Variants in COL4A6 observed in about 807,000 individuals in gnomAD.
The protein encoded by COL4A6 is collagen alpha-6(IV) chain.
A neutral mutation model predicts 126.7 loss-of-function variants in COL4A6; 59 were observed. The observed-to-expected ratio is 0.47, with a 90% CI of 0.38 to 0.58. The LOEUF is 0.58. Ranked by LOEUF, COL4A6 falls within the 20% of genes least tolerant of loss-of-function variation. The pLI is 0.00. For missense variants in COL4A6, 1,285 were observed against 1,337.3 expected (o/e 0.96, Z 0.61); for synonymous variants, 547 against 496.6 (o/e 1.10, Z -1.35).
intron 28 of COL4A6, among the ~76,000 whole-genome samples, chrX:108,176,044 G>A (rs1433561862): frequency 9.0e-6 from 1 of 110,536 alleles, no homozygotes; most frequent in Non-Finnish European, 1.9e-5. Context: ...GGCTCCTCTC[G>A]GCCGGGCACA....
intron 3 of COL4A6, among the ~76,000 whole-genome samples, chrX:108,282,474 A>G (rs1212758361): frequency 5.4e-5 from 6 of 111,186 alleles, no homozygotes; most frequent in South Asian, 3.9e-4. Context: ...TTAGAATGGC[A>G]ATCATTAAAA....
intron 2 of COL4A6, among the ~76,000 whole-genome samples, chrX:108,334,672 C>G (rs929997137): frequency 9.0e-6 from 1 of 111,079 alleles, no homozygotes; most frequent in Non-Finnish European, 1.9e-5. Context: ...TCACCAATAG[C>G]AAAAGAAAAT....
At chrX:108,277,918 T>A (rs1463476468) in intron 3 of COL4A6, among the ~76,000 whole-genome samples, 2 of 112,286 alleles carry the variant, frequency 1.8e-5, no homozygotes, top group African/African-American at 6.5e-5. Flanking sequence ...CCAGCAGACC[T>A]GCAGCTGAGG....
At chrX:108,409,077 C>T (rs964769006) in intron 2 of COL4A6, among the ~76,000 whole-genome samples, 2 of 112,381 alleles carry the variant, frequency 1.8e-5, no homozygotes, top group Admixed American at 9.4e-5. Context: ...TGAAAACCAC[C>T]GGTCTAGATA....
chrX:108,178,868 G>T, intron 26 of COL4A6, 23 bp from the exon 27 acceptor site: 1 of 1,196,819 alleles, frequency 8.4e-7, no homozygotes, highest in Non-Finnish European at 1.1e-6. Flanking sequence ...AAGGGCAAAT[G>T]ATCACAGCCT....
chrX:108,321,428 G>GA (rs925372969), intron 2 of COL4A6, among the ~76,000 whole-genome samples: 3 of 110,233 alleles, frequency 2.7e-5, no homozygotes, highest in Non-Finnish European at 5.7e-5. Flanking sequence ...AAAAAGTCAG[G>GA]AAAAAAAAGA....
At chrX:108,332,708 T>C (rs1284677421) in intron 2 of COL4A6, among the ~76,000 whole-genome samples, 4 of 111,516 alleles carry the variant, frequency 3.6e-5, no homozygotes, top group African/African-American at 6.5e-5. Context: ...TTTGTTAGTT[T>C]TTTTTTTTAG....
At chrX:108,339,296 A>G (rs1250969318) in intron 2 of COL4A6, among the ~76,000 whole-genome samples, 1 of 112,099 alleles carries the variant, frequency 8.9e-6, no homozygotes, top group East Asian at 2.8e-4. Flanking sequence ...TCTACAATTA[A>G]CTGAAAACCA....
chrX:108,177,155 C>T, intron 27 of COL4A6, 144 bp from the exon 28 acceptor site: 1 of 499,828 alleles, frequency 2.0e-6, no homozygotes, highest in Non-Finnish European at 3.3e-6. Flanking sequence ...ATGCAAACTG[C>T]TAACAGGCAG....
At chrX:108,195,267 C>T in intron 14 of COL4A6, 141 bp from the exon 15 acceptor site, 5 of 365,778 alleles carry the variant, frequency 1.4e-5, no homozygotes, top group Non-Finnish European at 4.7e-6. Flanking sequence ...CTAGACCTAG[C>T]TTAACGACTT....
intron 14 of COL4A6, 108 bp downstream of exon 14, chrX:108,196,403 C>T (rs879121986): frequency 6.6e-5 from 45 of 679,000 alleles, no homozygotes; most frequent in African/African-American, 3.7e-4. Context: ...TGAGGAGAAA[C>T]GAGAAGCTTA....
chrX:108,275,436 C>T (rs1408261582), intron 3 of COL4A6, among the ~76,000 whole-genome samples: 1 of 112,361 alleles, frequency 8.9e-6, no homozygotes, highest in Admixed American at 9.5e-5. Flanking sequence ...TCCACTGCTT[C>T]GTTTCTGTTA....
chrX:108,388,821 T>C lies in COL4A6; in HGVS notation c.63+49121A>G, dbSNP rs186494295. Among the ~76,000 whole-genome samples the C allele has an allele frequency of 7.8e-4, 88 of 112,102 alleles. 1 individual carries two copies. Among genetic ancestry groups the C allele is most frequent in the African/African-American group, 2.2e-3 (67 of 30,830 alleles). On this transcript the variant is annotated intron_variant, in intron 2 of 44. Transcript: ENST00000334504. The stretch of plus-strand genomic sequence containing the variant: ...AATTGTGATGTTAGTGTGTCGATTT[T>C]AGATCTTTCCTGCTTTCTCTTGTGG...
chrX:108,166,104 C>T (rs2034120520), intron 37 of COL4A6, among the ~76,000 whole-genome samples: 1 of 112,556 alleles, frequency 8.9e-6, no homozygotes, highest in Non-Finnish European at 1.9e-5. Flanking sequence ...TATCTCTGTA[C>T]TAAATCCCTC....
At chrX:108,164,782 A>T in intron 39 of COL4A6, 84 bp from the exon 40 acceptor site, 1 of 1,178,939 alleles carries the variant, frequency 8.5e-7, no homozygotes, top group Admixed American at 2.2e-5. Context: ...GAGGTAGGGA[A>T]GAACATCAGC....
rs367640411 is a variant in COL4A6, at chrX:108,224,937, T to A, written c.145-3563A>T. On this transcript the variant is annotated intron_variant, in intron 3 of 44. Transcript: ENST00000334504. ...GCAGGTGGGTAGGTGGGCCTCTCCC[T>A]CTACAGAGAAAAAGAAATCAAACCA... Among the ~76,000 whole-genome samples, 50 of 107,684 alleles carry A rather than the reference T, an allele frequency of 4.6e-4. No homozygotes were observed. In the East Asian group the frequency reaches 0.014, roughly 29 times the overall value. 93.5% of individuals were successfully genotyped at this position (107,684 alleles called of 115,157 possible). A position where few individuals can be genotyped will look rare whatever the true frequency, so the allele number is the denominator to read the frequency against.
intron 3 of COL4A6, among the ~76,000 whole-genome samples, chrX:108,271,744 T>A (rs1460202075): frequency 8.9e-6 from 1 of 111,840 alleles, no homozygotes; most frequent in African/African-American, 3.3e-5. Flanking sequence ...CTATTGGCGG[T>A]TGTGATTGTT....
intron 2 of COL4A6, among the ~76,000 whole-genome samples, chrX:108,357,831 G>C (rs938469581): frequency 9.0e-6 from 1 of 110,937 alleles, no homozygotes; most frequent in African/African-American, 3.3e-5. Flanking sequence ...TAGCAGTTAC[G>C]TATATGTTGT....
intron 2 of COL4A6, among the ~76,000 whole-genome samples, chrX:108,311,646 A>T (rs906799003): frequency 8.9e-6 from 1 of 111,761 alleles, no homozygotes; most frequent in Non-Finnish European, 1.9e-5. Context: ...GATATTTTTT[A>T]AAAATCCTGG....
Sources: allele counts gnomAD v4.1 joint callset (sites outside exome capture counted in the v4.1 genomes callset), GRCh38; gene constraint gnomAD v4.1.1; transcripts MANE v1.5; gene names NCBI Gene and HGNC (gene_info 2026-07-23, HGNC 2026-07-21).